MSH3: variants seen among roughly 807,000 people sequenced by gnomAD.
MSH3 encodes the protein mutS homolog 3.
MSH3 carries 106 observed loss-of-function variants against 123.3 expected under a neutral mutation model. That is an observed-to-expected ratio of 0.86 (90% CI 0.73 to 1.01). The LOEUF (loss-of-function observed/expected upper bound fraction) is 1.01. Among genes scored for constraint, MSH3 ranks in the 50% least tolerant of loss-of-function variants. MSH3 has a pLI of 0.00. For missense variants in MSH3, 1,459 were observed against 1,347.6 expected, an observed-to-expected ratio of 1.08 and a Z score of -1.29; for synonymous variants, 515 against 481.4, an observed-to-expected ratio of 1.07 and a Z score of -0.91.
At chr5:80,809,854 TATTGA>T (rs1045528140) in intron 19 of MSH3, among the ~76,000 whole-genome samples, 1 of 152,184 alleles carries the variant, frequency 6.6e-6, no homozygotes, top group African/African-American at 2.4e-5. Flanking sequence ...TGTAAGGAGT[TATTGA>T]ATTGTTTGTG....
intron 19 of MSH3, among the ~76,000 whole-genome samples, chr5:80,803,990 A>C (rs1744839263): frequency 6.6e-6 from 1 of 152,172 alleles, no homozygotes; most frequent in Admixed American, 6.5e-5. Flanking sequence ...AGATAATGTG[A>C]TTCCACCAGT....
In MSH3 at chr5:80,813,690, A is replaced by C; in HGVS notation, c.2762A>C (p.Tyr921Ser). The C allele has an allele frequency of 6.2e-7, 1 of 1,614,178 alleles. No individual in the cohort carries two copies. The highest frequency in any genetic ancestry group is 8.5e-7 in the Non-Finnish European group (1 of 1,180,024). ...ACCATCATGGCTCAGATTGGCTCCT[A>C]TGTTCCTGCAGAAGAAGCGACAATT... Reference protein sequence around the residue: ...LITIMAQIGSYVPAEEATIGI... With the variant: ...LITIMAQIGSSVPAEEATIGI... Residue 921 changes from tyrosine (Y) to serine (S), a missense_variant, in exon 20 of 24, where the codon TAT (tyrosine) becomes TCT (serine). By Grantham distance (144) the Tyr-to-Ser change is moderately radical. Transcript: ENST00000265081.
intron 10 of MSH3, among the ~76,000 whole-genome samples, chr5:80,729,436 G>GTT: frequency 9.4e-6 from 1 of 106,078 alleles, no homozygotes; most frequent in South Asian, 3.7e-4. Context: ...AAAAATGTGT[G>GTT]TGTGTGTGTG....
At chr5:80,753,022 A>C (rs1743863223) in intron 12 of MSH3, among the ~76,000 whole-genome samples, 1 of 151,786 alleles carries the variant, frequency 6.6e-6, no homozygotes, top group African/African-American at 2.4e-5. Flanking sequence ...GGTTAGAGAT[A>C]CAGGTAGGCT....
At chr5:80,722,514 CTTTTA>C (rs2112853042) in intron 8 of MSH3, among the ~76,000 whole-genome samples, 2 of 152,268 alleles carry the variant, frequency 1.3e-5, no homozygotes, top group African/African-American at 4.8e-5. Flanking sequence ...TAGCAGCAGT[CTTTTA>C]TTTGTATAGG....
chr5:80,816,668 G>A (rs1470267465), intron 20 of MSH3, among the ~76,000 whole-genome samples: 2 of 152,204 alleles, frequency 1.3e-5, no homozygotes, highest in Non-Finnish European at 2.9e-5. Context: ...GAAAGGATCA[G>A]TAAGTAGCTT....
intron 18 of MSH3, among the ~76,000 whole-genome samples, chr5:80,792,472 A>T: frequency 6.6e-6 from 1 of 152,046 alleles, no homozygotes; most frequent in Non-Finnish European, 1.5e-5. Flanking sequence ...TACAAGGGTG[A>T]AGCCATTTAT....
intron 8 of MSH3, among the ~76,000 whole-genome samples, chr5:80,716,218 T>G (rs1057426055): frequency 2.0e-5 from 3 of 152,332 alleles, no homozygotes; most frequent in Admixed American, 2.0e-4. Context: ...AAATGCTAGT[T>G]TTCCCTACCC....
At chr5:80,790,765 G>C (rs1209779718) in intron 18 of MSH3, among the ~76,000 whole-genome samples, 1 of 152,034 alleles carries the variant, frequency 6.6e-6, no homozygotes. Context: ...ATTTTTCGTT[G>C]TTCACCCGTA....
chr5:80,826,523 G>A (rs889123986), intron 20 of MSH3, among the ~76,000 whole-genome samples: 5 of 150,880 alleles, frequency 3.3e-5, no homozygotes, highest in East Asian at 3.9e-4. Context: ...TGGATGAAAC[G>A]CTATAAACAG....
chr5:80,693,971 C>CTTATAAAGCAATG (rs1229963179), intron 8 of MSH3, among the ~76,000 whole-genome samples: 4 of 152,032 alleles, frequency 2.6e-5, no homozygotes, highest in Admixed American at 1.3e-4. Flanking sequence ...AAACTCGAAA[C>CTTATAAAGCAATG]TTATAAAGCA....
chr5:80,679,221 G>A, intron 8 of MSH3, 128 bp downstream of exon 8: 3 of 1,003,684 alleles, frequency 3.0e-6, no homozygotes, highest in Non-Finnish European at 3.0e-6. Context: ...TGTAGTAGTG[G>A]AAATTTAAAA....
chr5:80,801,250 T>A (rs1241723004), intron 19 of MSH3, among the ~76,000 whole-genome samples: 2 of 152,178 alleles, frequency 1.3e-5, no homozygotes, highest in Non-Finnish European at 1.5e-5. Flanking sequence ...GAGTGGATTG[T>A]GGGCAGAGGA....
chr5:80,655,099 G>A (rs564748168), intron 1 of MSH3, 135 bp downstream of exon 1: 6 of 564,690 alleles, frequency 1.1e-5, no homozygotes, highest in African/African-American at 7.9e-5. Context: ...GAAGGGGAAG[G>A]TGGGAAGAGC....
At chr5:80,842,123 T>C (rs1745637225) in intron 20 of MSH3, among the ~76,000 whole-genome samples, 1 of 152,228 alleles carries the variant, frequency 6.6e-6, no homozygotes, top group Admixed American at 6.5e-5. Context: ...TTTCTACATA[T>C]GGCTAGCCAG....
intron 10 of MSH3, among the ~76,000 whole-genome samples, chr5:80,736,620 C>A (rs1312327674): frequency 6.6e-6 from 1 of 152,136 alleles, no homozygotes; most frequent in African/African-American, 2.4e-5. Context: ...TGTGCCTTAA[C>A]TGTTTGTGCA....
At chr5:80,861,228 T>C (rs1746008977) in intron 21 of MSH3, among the ~76,000 whole-genome samples, 1 of 152,218 alleles carries the variant, frequency 6.6e-6, no homozygotes, top group Non-Finnish European at 1.5e-5. Flanking sequence ...TGCGACTTTT[T>C]CTTGACAGCT....
chr5:80,764,431 A>C (rs1036064128), intron 13 of MSH3, among the ~76,000 whole-genome samples: 23 of 151,548 alleles, frequency 1.5e-4, no homozygotes, highest in South Asian at 1.0e-3. Context: ...GCTGGAATGC[A>C]GTGGTGCGAC....
chr5:80,792,635 G>T, intron 18 of MSH3, 98 bp from the exon 19 acceptor site: 1 of 705,892 alleles, frequency 1.4e-6, no homozygotes, highest in Non-Finnish European at 2.5e-6. Flanking sequence ...GTTTTCTGTC[G>T]TACAAACAGA....
Sources: gnomAD v4.1 joint callset for allele counts (sites outside exome capture counted in the v4.1 genomes callset) on GRCh38, gnomAD v4.1.1 for gene constraint, MANE v1.5 for transcripts, NCBI Gene and HGNC (gene_info 2026-07-23, HGNC 2026-07-21) for gene names.